The following FAT1 variants were observed in gnomAD, a reference collection of about 807,000 sequenced individuals.
FAT1 encodes protocadherin Fat 1.
Under a neutral mutation model 329.8 loss-of-function variants are expected in FAT1, and 171 were observed. The observed-to-expected ratio is 0.52, with a 90% CI of 0.46 to 0.59. FAT1 has a LOEUF of 0.59. Ranked by LOEUF, FAT1 falls within the 20% of genes least tolerant of loss-of-function variation. FAT1 has a pLI of 0.00. For missense variants in FAT1, 5,672 were observed against 5,774.4 expected (o/e 0.98, Z 0.57); for synonymous variants, 2,233 against 2,228.6 (o/e 1.00, Z -0.06).
intron 2 of FAT1, among the ~76,000 whole-genome samples, chr4:186,694,409 A>G (rs1743930313): frequency 6.6e-6 from 1 of 152,234 alleles, no homozygotes; most frequent in Non-Finnish European, 1.5e-5. Context: ...ATAATTTTCT[A>G]TTTATATGAG....
At chr4:186,651,057 T>TTTATCTATTATTAAA (rs1439108075) in intron 3 of FAT1, among the ~76,000 whole-genome samples, 2 of 149,052 alleles carry the variant, frequency 1.3e-5, no homozygotes, top group African/African-American at 4.9e-5. Flanking sequence ...TATTAAATAA[T>TTTATCTATTATTAAA]TTATTTATTA....
chr4:186,659,733 G>A (rs1441143640), intron 3 of FAT1, among the ~76,000 whole-genome samples: 1 of 138,694 alleles, frequency 7.2e-6, no homozygotes, highest in African/African-American at 2.8e-5. Context: ...CACACAAGCC[G>A]GCTGTGGCAC....
At chr4:186,726,270 C>T (rs1225977320), upstream of FAT1, 1 of 152,302 alleles carries the variant, frequency 6.6e-6, no homozygotes, top group Non-Finnish European at 1.5e-5. Flanking sequence ...CCCGCACTCG[C>T]TTAGAGCCAC....
intron 3 of FAT1, among the ~76,000 whole-genome samples, chr4:186,643,653 C>T (rs1426369137): frequency 6.6e-6 from 1 of 152,136 alleles, no homozygotes; most frequent in Non-Finnish European, 1.5e-5. Flanking sequence ...TTACAGCAAT[C>T]AACCACACTG....
chr4:186,647,767 T>A (rs1283685413), intron 3 of FAT1, among the ~76,000 whole-genome samples: 1 of 152,232 alleles, frequency 6.6e-6, no homozygotes, highest in African/African-American at 2.4e-5. Context: ...AATCATAGTA[T>A]TTTTGGTGGT....
intron 3 of FAT1, among the ~76,000 whole-genome samples, chr4:186,643,830 A>C (rs1392354205): frequency 7.3e-6 from 1 of 137,882 alleles, no homozygotes; most frequent in African/African-American, 2.8e-5. Context: ...GACTTCAAAC[A>C]TAATTCTAAA....
At chr4:186,688,728 A>G (rs1360576292) in intron 2 of FAT1, among the ~76,000 whole-genome samples, 2 of 149,424 alleles carry the variant, frequency 1.3e-5, no homozygotes, top group Non-Finnish European at 3.0e-5. Flanking sequence ...CAAAATAAAC[A>G]TATTTACTTA....
intron 26 of FAT1, among the ~76,000 whole-genome samples, chr4:186,589,810 G>A (rs1646946843): frequency 6.6e-6 from 1 of 152,176 alleles, no homozygotes; most frequent in African/African-American, 2.4e-5. Context: ...GGGATTACAG[G>A]TGTGAGCCAT....
In FAT1 at chr4:186,638,890, C is replaced by T. The variant is rs76095451; in HGVS notation, c.3642+832G>A. Among the ~76,000 whole-genome samples, 257 of 151,882 alleles carry T rather than the reference C, an allele frequency of 1.7e-3. 4 individuals carry two copies. Among genetic ancestry groups the T allele is most frequent in the African/African-American group, 6.0e-3 (249 of 41,168 alleles). On this transcript the variant is annotated intron_variant, in intron 4 of 26. Transcript: ENST00000441802. ...CGATAATGAACACCAGTCTTCCACA[C>T]GGGACAGAGAGATGTCTCTACGCCC...
intron 26 of FAT1, chr4:186,590,370 C>T (rs1176198670): frequency 5.4e-6 from 7 of 1,289,414 alleles, no homozygotes; most frequent in Middle Eastern, 4.3e-4. Context: ...TAAGTCACCT[C>T]TTGGTTTGCT....
At position 186,599,942 on chromosome 4, in the gene FAT1, T is replaced by A. The variant is rs760560632; in HGVS notation, c.12059A>T (p.Asn4020Ile). Residue 4020 changes from asparagine to isoleucine, a missense_variant, in exon 22 of 27, where the codon AAC becomes ATC. Physicochemically the swap from Asn to Ile is moderately radical, Grantham distance 149. Around this residue, in one of 2 missense-constraint regions of FAT1, gnomAD observed 1,706 missense variants for 1,859.1 expected, o/e 0.92. Transcript: ENST00000441802. ...GCAAACGCCTCCATTCTGGCAAGGG[T>A]TGCTGGCGCAGTCTTCCGTGGCCGT... ...FLTATEDCAS[N>I]PCQNGGVCNP... 1 of 1,613,832 alleles carries A rather than the reference T, an allele frequency of 6.2e-7. No homozygotes were observed. Among genetic ancestry groups the A allele is most frequent in the Non-Finnish European group, 8.5e-7 (1 of 1,179,816 alleles).
intron 14 of FAT1, among the ~76,000 whole-genome samples, chr4:186,610,614 TTATA>T (rs1442268657): frequency 0.026 from 3,426 of 134,196 alleles, 140 homozygotes; most frequent in African/African-American, 0.084. Context: ...TTTATATAAA[TTATA>T]TAAATATAAA....
chr4:186,683,633 C>T (rs978036242), intron 2 of FAT1, among the ~76,000 whole-genome samples: 1 of 152,128 alleles, frequency 6.6e-6, no homozygotes, highest in African/African-American at 2.4e-5. Flanking sequence ...CAGCTGCTGA[C>T]CTGCGGCCCC....
chr4:186,631,003 C>A (rs1740557439), intron 7 of FAT1, among the ~76,000 whole-genome samples: 1 of 152,172 alleles, frequency 6.6e-6, no homozygotes, highest in Non-Finnish European at 1.5e-5. Context: ...ACAGGAAAGC[C>A]AGAGAAGAGC....
In FAT1 at chr4:186,609,121, AG is replaced by A. The variant is rs1254187995; in HGVS notation, c.10206+61del. 3.8e-6 allele frequency: 6 copies of A among 1,574,114 alleles called. No individual in the cohort carries two copies. In the African/African-American group the frequency reaches 8.1e-5, roughly 21 times the overall value. On this transcript the variant is annotated intron_variant, in intron 16 of 26. Coordinates refer to ENST00000441802, the MANE Select transcript of FAT1 (RefSeq NM_005245.4). ...ACCACGCCCAGCAGACAAGAGCACA[AG>A]GCATTTCTAGTTATTGATGTGGTGA...
At chr4:186,703,947 C>T (rs1222829084) in intron 2 of FAT1, among the ~76,000 whole-genome samples, 1 of 152,224 alleles carries the variant, frequency 6.6e-6, no homozygotes, top group Non-Finnish European at 1.5e-5. Flanking sequence ...CACTGTGATA[C>T]CAATTGTCCT....
rs1280098 is a variant in FAT1 at position 186,617,788 on chromosome 4, T to A, written c.8798A>T (p.Gln2933Leu). The A allele has an allele frequency of 0.042, 68,113 of 1,613,602 alleles. 1,762 individuals are homozygous for A. The highest frequency in any genetic ancestry group is 0.11 in the African/African-American group (8,077 of 74,966). The change falls in exon 10 of 27, where the codon CAA (glutamine) becomes CTA (leucine). Residue 2933 changes from glutamine to leucine, a missense_variant. Physicochemically the swap from Gln to Leu is moderately radical, Grantham distance 113. Around this residue, in one of 2 missense-constraint regions of FAT1, gnomAD observed 3,966 missense variants for 3,915.2 expected, o/e 1.01. Transcript: ENST00000441802. The stretch of plus-strand genomic sequence containing the variant: ...ACTTAAGATGGCAATCACCCCACCT[T>A]GGGGGTCATCCTCACTCACAGTCCC... ...YKGTVSEDDP[Q>L]GGVIAILSTT...
chr4:186,688,114 GA>G (rs55834504), intron 2 of FAT1, among the ~76,000 whole-genome samples: 3,822 of 55,626 alleles, frequency 0.069, 98 homozygotes, highest in African/African-American at 0.16. Context: ...ACTCAAAGCT[GA>G]AAAAAAAAAA....
rs2126431542 is a variant in FAT1 at position 186,603,666 on chromosome 4, C to T, written c.10860G>A (p.Lys3620=). Residue 3620 remains lysine (K), a synonymous_variant, in exon 19 of 27, where the codon AAG becomes AAA. Transcript: ENST00000441802. ...CTGTGATGTCGGCCACCGTCGTGAA[C>T]TTCCCATCTGTTACGCTGACATTGA... ...YLLNVSVTDG[K]FTTVADITVH... 1.9e-6 allele frequency: 3 copies of T among 1,613,986 alleles called. No homozygotes were observed. The highest frequency in any genetic ancestry group is 2.5e-6 in the Non-Finnish European group (3 of 1,179,884).
Sources: gnomAD v4.1 joint callset for allele counts (sites outside exome capture counted in the v4.1 genomes callset) on GRCh38, gnomAD v4.1.1 for gene constraint, gnomAD v4.1.1 regional missense constraint, MANE v1.5 for transcripts, NCBI Gene and HGNC (gene_info 2026-07-23, HGNC 2026-07-21) for gene names.